The following SLC7A2 variants were observed in gnomAD, a reference collection of about 807,000 sequenced individuals.
The protein encoded by SLC7A2 is solute carrier family 7 member 2.
A neutral mutation model predicts 58.9 loss-of-function variants in SLC7A2; 48 were observed. The ratio of observed to expected loss-of-function variants is 0.82; its 90% confidence interval spans 0.65 to 1.04. SLC7A2 has a LOEUF of 1.04. Among genes scored for constraint, SLC7A2 ranks in the 50% least tolerant of loss-of-function variants. SLC7A2 has a pLI of 0.00. For synonymous variants in SLC7A2, 363 were observed against 314.5 expected, an observed-to-expected ratio of 1.15 and a Z score of -1.63; for missense variants, 1,029 against 818.8, an observed-to-expected ratio of 1.26 and a Z score of -3.13.
chr8:17,564,791 T>C lies in SLC7A2; in HGVS notation c.1781-159T>C, dbSNP rs571210909. ...TGTTGTGTGGCCTGGTTCCTAACAA[T>C]AGTGGTCTGTGGCCCAGGGGTTGGT... On this transcript the variant is annotated intron_variant, in intron 12 of 12. Transcript: ENST00000494857. 1.1e-4 allele frequency among the ~76,000 whole-genome samples: 16 copies of C among 152,254 alleles called. No individual in the cohort carries two copies. The South Asian group carries it at 3.3e-3, about 32-fold the overall frequency.
At position 17,544,591 on chromosome 8, in the gene SLC7A2, A is replaced by T. The variant is rs748399139; in HGVS notation, c.517A>T (p.Ile173Leu). 2 of 1,613,916 alleles carry T rather than the reference A, an allele frequency of 1.2e-6. No individual in the cohort carries two copies. The highest frequency in any genetic ancestry group is 2.2e-5 in the South Asian group (2 of 91,034). Reference sequence around the variant, plus strand: ...TCCCGATTTTTTTGCTGTGTGCCTTATATTACTTCTAGCAGGTAAGAAAAC... The same window carrying T: ...TCCCGATTTTTTTGCTGTGTGCCTTTTATTACTTCTAGCAGGTAAGAAAAC... The part of the protein sequence containing the change: ...EYPDFFAVCL[I>L]LLLAGLLSFG... The change falls in exon 4 of 13, where the codon ATA (isoleucine) becomes TTA (leucine). Residue 173 changes from isoleucine to leucine, a missense_variant. Physicochemically the swap from Ile to Leu is conservative, Grantham distance 5. Transcript: ENST00000494857.
Position 17,520,089 on chromosome 8 carries a change from G to A in SLC7A2, c.-23+17787G>A, listed in dbSNP as rs561870751. On this transcript the variant is annotated intron_variant, in intron 2 of 12. Coordinates refer to ENST00000494857, the MANE Select transcript of SLC7A2 (RefSeq NM_001370338.1). The stretch of plus-strand genomic sequence containing the variant: ...TTAGTTTTGAATGCTGTTTGGTACT[G>A]ATTGTAGAATTTGGGGCATTTTGAG... Among the ~76,000 whole-genome samples, 4 of 152,324 alleles carry A rather than the reference G, an allele frequency of 2.6e-5. No individual in the cohort carries two copies. The South Asian group carries it at 6.2e-4, about 24-fold the overall frequency.
chr8:17,554,750 G>C (rs756950600), intron 8 of SLC7A2, 51 bp downstream of exon 8: 5 of 1,539,760 alleles, frequency 3.2e-6, no homozygotes, highest in Non-Finnish European at 4.4e-6. Flanking sequence ...TTTCATCAAG[G>C]ACTCTGCATT....
chr8:17,529,214 A>G (rs1801337918), intron 2 of SLC7A2, among the ~76,000 whole-genome samples: 1 of 152,202 alleles, frequency 6.6e-6, no homozygotes, highest in African/African-American at 2.4e-5. Context: ...TTTTCCTTAC[A>G]GTCTGCTGCA....
upstream of SLC7A2, among the ~76,000 whole-genome samples, chr8:17,496,918 G>A (rs575297808): frequency 3.3e-5 from 5 of 151,838 alleles, no homozygotes; most frequent in Admixed American, 6.6e-5. Context: ...AAACCCCGCT[G>A]AGCAGCGGCC....
intron 2 of SLC7A2, among the ~76,000 whole-genome samples, chr8:17,509,966 C>G (rs548360061): frequency 6.6e-6 from 1 of 151,926 alleles, no homozygotes. Context: ...ACGCCTGTAA[C>G]CCCAGCACTT....
chr8:17,550,098 G>C (rs967051258), intron 5 of SLC7A2, among the ~76,000 whole-genome samples: 1 of 152,172 alleles, frequency 6.6e-6, no homozygotes, highest in African/African-American at 2.4e-5. Flanking sequence ...GTAATTGGGT[G>C]TCAGTGACAC....
chr8:17,509,552 C>T (rs930712638), intron 2 of SLC7A2, among the ~76,000 whole-genome samples: 6 of 152,070 alleles, frequency 3.9e-5, no homozygotes, highest in African/African-American at 9.7e-5. Flanking sequence ...GTAATCCACC[C>T]GCCTTGGCCT....
At chr8:17,494,950 G>C (rs1157116429), upstream of SLC7A2, among the ~76,000 whole-genome samples, 3 of 152,190 alleles carry the variant, frequency 2.0e-5, no homozygotes, top group African/African-American at 7.2e-5. Flanking sequence ...GGGCAGATTG[G>C]ATAAATTCAA....
At chr8:17,535,369 G>A (rs1307819693) in intron 2 of SLC7A2, among the ~76,000 whole-genome samples, 1 of 152,040 alleles carries the variant, frequency 6.6e-6, no homozygotes, top group Non-Finnish European at 1.5e-5. Context: ...TCTCCAGGAA[G>A]ACCTCTCTAA....
At chr8:17,562,852 C>T (rs1040860586) in intron 11 of SLC7A2, among the ~76,000 whole-genome samples, 6 of 152,160 alleles carry the variant, frequency 3.9e-5, no homozygotes, top group African/African-American at 1.2e-4. Context: ...AAAAGCCTTT[C>T]CTCTTGGGCT....
intron 2 of SLC7A2, among the ~76,000 whole-genome samples, chr8:17,506,093 G>A (rs993246274): frequency 3.3e-5 from 5 of 152,274 alleles, no homozygotes; most frequent in South Asian, 2.1e-4. Context: ...TTTTAAATGC[G>A]TTGCATTTGT....
chr8:17,524,157 G>A (rs755780955), intron 2 of SLC7A2, among the ~76,000 whole-genome samples: 14 of 152,160 alleles, frequency 9.2e-5, no homozygotes, highest in Non-Finnish European at 8.8e-5. Context: ...CTGTTGGTGG[G>A]AATGTAAACT....
At chr8:17,554,878 C>G in intron 8 of SLC7A2, 179 bp downstream of exon 8, 4 of 1,540,130 alleles carry the variant, frequency 2.6e-6, no homozygotes, top group Non-Finnish European at 3.5e-6. Context: ...CAGTCTTTAC[C>G]TGTCTATACC....
chr8:17,537,419 G>A (rs1379065817), intron 2 of SLC7A2, among the ~76,000 whole-genome samples: 3 of 152,248 alleles, frequency 2.0e-5, no homozygotes, highest in African/African-American at 4.8e-5. Context: ...CCCAGTGTGT[G>A]TGACTTCAGC....
chr8:17,495,899 T>C (rs749144235), upstream of SLC7A2, among the ~76,000 whole-genome samples: 2 of 152,216 alleles, frequency 1.3e-5, no homozygotes, highest in Non-Finnish European at 2.9e-5. Flanking sequence ...TGAGATACAT[T>C]GAGATTTTGT....
intron 2 of SLC7A2, among the ~76,000 whole-genome samples, chr8:17,517,916 A>G (rs564031168): frequency 7.9e-5 from 12 of 152,124 alleles, no homozygotes; most frequent in Non-Finnish European, 1.3e-4. Flanking sequence ...TTGGAGCCAC[A>G]CAGACCTTAG....
At chr8:17,524,254 G>A (rs983319571) in intron 2 of SLC7A2, among the ~76,000 whole-genome samples, 4 of 152,082 alleles carry the variant, frequency 2.6e-5, no homozygotes, top group African/African-American at 9.7e-5. Flanking sequence ...CCACTACTAG[G>A]TATCTACCAA....
rs1803278969 is a variant in SLC7A2, at chr8:17,566,663, A to G, written c.*1517A>G. The G allele has an allele frequency of 6.6e-6, 1 of 152,242 alleles. No individual in the cohort carries two copies. Among genetic ancestry groups the G allele is most frequent in the South Asian group, 2.1e-4 (1 of 4,830 alleles). The allele number at this position is 152,242 out of a possible 1,614,324, so 9.4% of individuals were successfully genotyped here. Reference sequence around the variant, plus strand: ...ATATAAACACAGTTAACCCTTGTAAATGAGTAAACAAATTTTTACATGTAA... The same window carrying G: ...ATATAAACACAGTTAACCCTTGTAAGTGAGTAAACAAATTTTTACATGTAA... On this transcript the variant is annotated 3_prime_UTR_variant, in exon 13 of 13. Transcript: ENST00000494857.
Sources: allele counts gnomAD v4.1 joint callset (sites outside exome capture counted in the v4.1 genomes callset), GRCh38; gene constraint gnomAD v4.1.1; transcripts MANE v1.5; gene names NCBI Gene and HGNC (gene_info 2026-07-23, HGNC 2026-07-21).